CSF2RA: variants seen among roughly 807,000 people sequenced by gnomAD.
CSF2RA encodes colony stimulating factor 2 receptor subunit alpha.
CSF2RA carries 42 observed loss-of-function variants against 51.6 expected under a neutral mutation model. The observed-to-expected ratio is 0.81, with a 90% confidence interval of 0.64 to 1.05. The LOEUF is 1.05. CSF2RA is among the 50% of genes least tolerant of loss of function. The pLI is 0.00. For missense variants in CSF2RA, 530 were observed against 501.1 expected, an observed-to-expected ratio of 1.06 and a Z score of -0.55; for synonymous variants, 222 against 193.0, an observed-to-expected ratio of 1.15 and a Z score of -1.24.
chrX:1,274,540 G>T (rs1326173348), intron 1 of CSF2RA, among the ~76,000 whole-genome samples: 49 of 146,670 alleles, frequency 3.3e-4, no homozygotes, highest in Middle Eastern at 7.6e-3. Context: ...GGCCAGGATG[G>T]TCTCGAACTC....
At chrX:1,292,910 T>A (rs2091535707) in intron 7 of CSF2RA, among the ~76,000 whole-genome samples, 2 of 152,022 alleles carry the variant, frequency 1.3e-5, no homozygotes, top group South Asian at 4.1e-4. Context: ...TCAGACTGTC[T>A]CAGTGGGGGG....
intron 12 of CSF2RA, among the ~76,000 whole-genome samples, chrX:1,307,557 G>T (rs748665798): frequency 5.3e-3 from 518 of 98,366 alleles, no homozygotes; most frequent in South Asian, 0.012. Context: ...TTCTCCTTTG[G>T]ACCTTCAACT....
At chrX:1,287,513 A>G (rs1335083688) in intron 4 of CSF2RA, among the ~76,000 whole-genome samples, 28 of 138,340 alleles carry the variant, frequency 2.0e-4, no homozygotes, top group East Asian at 6.6e-4. Flanking sequence ...GCGTGATCTC[A>G]GCTCCCTGCA....
intron 2 of CSF2RA, among the ~76,000 whole-genome samples, chrX:1,281,429 CCTTCTT>C (rs2090052137): frequency 7.0e-6 from 1 of 142,340 alleles, no homozygotes; most frequent in Non-Finnish European, 1.5e-5. Flanking sequence ...TTCTCCTCCT[CCTTCTT>C]CTCCTCCTCC....
chrX:1,270,171 G>A (rs1461748643), intron 1 of CSF2RA, among the ~76,000 whole-genome samples: 1 of 152,000 alleles, frequency 6.6e-6, no homozygotes, highest in Non-Finnish European at 1.5e-5. Flanking sequence ...AAGGGTGACT[G>A]ATAAAGGATT....
chrX:1,287,753 G>C (rs1246283142), intron 4 of CSF2RA, among the ~76,000 whole-genome samples: 1 of 115,162 alleles, frequency 8.7e-6, no homozygotes, highest in African/African-American at 3.3e-5. Context: ...CCTTTTTTTG[G>C]GGGGATGGAG....
intron 2 of CSF2RA, among the ~76,000 whole-genome samples, chrX:1,279,940 C>G (rs1472453204): frequency 1.3e-5 from 2 of 151,934 alleles, no homozygotes; most frequent in South Asian, 2.1e-4. Context: ...CAGGCACCCA[C>G]CACCCCACCC....
At chrX:1,314,264 ACTGCGCCTGCCCAACCC>A (rs755967365), downstream of CSF2RA, among the ~76,000 whole-genome samples, 17,855 of 82,456 alleles carry the variant, frequency 0.22, 2,323 homozygotes, top group East Asian at 0.28. Flanking sequence ...GCCCAACCCC[ACTGCGCCTGCCCAACCC>A]CACTGCATCT....
chrX:1,269,654 A>C (rs1198188285), intron 1 of CSF2RA, among the ~76,000 whole-genome samples: 1 of 148,162 alleles, frequency 6.7e-6, no homozygotes, highest in African/African-American at 2.4e-5. Flanking sequence ...AAAGAGATGA[A>C]AAGAGATGAA....
At chrX:1,303,875 A>C (rs752023363) in intron 10 of CSF2RA, 48 bp from the exon 11 acceptor site, 7 of 1,447,412 alleles carry the variant, frequency 4.8e-6, no homozygotes, top group African/African-American at 1.4e-5. Flanking sequence ...TTCCTTTCAC[A>C]TGTCCGTCAA....
intron 3 of CSF2RA, among the ~76,000 whole-genome samples, chrX:1,285,480 G>T (rs1353016847): frequency 2.6e-5 from 4 of 151,122 alleles, no homozygotes; most frequent in Non-Finnish European, 4.4e-5. Flanking sequence ...GATCACCTGA[G>T]GTCGGCAGTT....
downstream of CSF2RA, among the ~76,000 whole-genome samples, chrX:1,310,686 T>A (rs1308216536): frequency 9.1e-5 from 13 of 142,980 alleles, no homozygotes; most frequent in African/African-American, 3.4e-4. Flanking sequence ...AAAAAAAAAA[T>A]TATTATTGTA....
chrX:1,323,161 A>AC, the CSF2RA span, among the ~76,000 whole-genome samples: 565 of 150,830 alleles, frequency 3.7e-3, 8 homozygotes, highest in African/African-American at 0.013. Context: ...TTACAATTAT[A>AC]AAATAAAATA....
Position 1,276,574 on chromosome X carries a change from G to A in CSF2RA, c.-27+1756G>A, listed in dbSNP as rs752437670. On this transcript the variant is annotated intron_variant, in intron 2 of 12. Transcript: ENST00000381529. ...TTTTTAGTAGAGAGAGGGTTTCACC[G>A]TATTGTCCAGGCTGGTCTTGAACTC... is the stretch of plus-strand genomic sequence containing the variant. 1.7e-3 allele frequency among the ~76,000 whole-genome samples: 253 copies of A among 150,924 alleles called. 2 individuals are homozygous for A. The highest frequency in any genetic ancestry group is 0.01 in the Middle Eastern group (3 of 286).
At chrX:1,325,141 A>ACC in the CSF2RA span, among the ~76,000 whole-genome samples, 2 of 150,962 alleles carry the variant, frequency 1.3e-5, no homozygotes, top group Admixed American at 1.3e-4. Context: ...CGGGCGGATC[A>ACC]AGAGGTCGGG....
At chrX:1,304,098 C>T in intron 11 of CSF2RA, 79 bp downstream of exon 11, 1 of 1,239,542 alleles carries the variant, frequency 8.1e-7, no homozygotes, top group South Asian at 1.2e-5. Flanking sequence ...GTCTCTGTCT[C>T]TGTCTCTGAG....
At chrX:1,285,245 C>T (rs1233718016) in intron 3 of CSF2RA, among the ~76,000 whole-genome samples, 1 of 151,842 alleles carries the variant, frequency 6.6e-6, no homozygotes, top group Non-Finnish European at 1.5e-5. Flanking sequence ...TCTCCTTTTT[C>T]AGAAACAGCC....
chrX:1,323,646 G>A, the CSF2RA span, among the ~76,000 whole-genome samples: 1 of 152,088 alleles, frequency 6.6e-6, no homozygotes, highest in African/African-American at 2.4e-5. Flanking sequence ...CACTTTGGGA[G>A]GCTGAGGCAG....
intron 2 of CSF2RA, among the ~76,000 whole-genome samples, chrX:1,276,518 C>A (rs1291039415): frequency 6.6e-6 from 1 of 151,684 alleles, no homozygotes; most frequent in Non-Finnish European, 1.5e-5. Context: ...GGAGTACAGG[C>A]GCCCGCCATC....
Sources: allele counts gnomAD v4.1 joint callset (sites outside exome capture counted in the v4.1 genomes callset), GRCh38; gene constraint gnomAD v4.1.1; transcripts MANE v1.5; gene names NCBI Gene and HGNC (gene_info 2026-07-23, HGNC 2026-07-21).